Variants in CRYBG1 observed in about 807,000 individuals in gnomAD.
CRYBG1 encodes the protein crystallin beta-gamma domain containing 1, also known as beta/gamma crystallin domain-containing protein 1.
CRYBG1 carries 139 observed loss-of-function variants against 189.2 expected under a neutral mutation model. The observed-to-expected ratio is 0.73, with a 90% CI of 0.64 to 0.85. The LOEUF is 0.85. Among genes scored for constraint, CRYBG1 ranks in the 40% least tolerant of loss-of-function variants. The probability of loss-of-function intolerance (pLI) is 0.00; values close to 1 mark genes in which losing one functional copy is unlikely to be tolerated. For missense variants in CRYBG1, 2,611 were observed against 2,675.8 expected (o/e 0.98, Z 0.53); for synonymous variants, 1,023 against 1,017.1 (o/e 1.01, Z -0.11).
intron 2 of CRYBG1, among the ~76,000 whole-genome samples, chr6:106,480,449 C>T (rs1377678625): frequency 6.7e-6 from 1 of 149,852 alleles, no homozygotes; most frequent in African/African-American, 2.5e-5. Context: ...CAGATCACGA[C>T]GTCAGGAGAT....
chr6:106,423,037 T>G (rs1474062959), intron 1 of CRYBG1, among the ~76,000 whole-genome samples: 1 of 152,216 alleles, frequency 6.6e-6, no homozygotes, highest in Non-Finnish European at 1.5e-5. Flanking sequence ...TTGGAGGATA[T>G]CAGACCACCA....
At chr6:106,376,713 G>A (rs150780871) in intron 1 of CRYBG1, among the ~76,000 whole-genome samples, 2 of 152,052 alleles carry the variant, frequency 1.3e-5, no homozygotes, top group Non-Finnish European at 2.9e-5. Context: ...TCCCTTACCT[G>A]TCCACATCTT....
rs576149617 is a variant in CRYBG1 at position 106,560,483 on chromosome 6, C to A, written c.5856-320C>A. On this transcript the variant is annotated intron_variant, in intron 18 of 21. Coordinates refer to ENST00000633556, the MANE Select transcript of CRYBG1 (RefSeq NM_001371242.2). Reference sequence around the variant, plus strand: ...ACAACTTAAAGACCCATTATTACAACTGAAGCTATTTTATGAATAGTTCCC... The same window carrying A: ...ACAACTTAAAGACCCATTATTACAAATGAAGCTATTTTATGAATAGTTCCC... Among the ~76,000 whole-genome samples the A allele has an allele frequency of 2.6e-5, 4 of 152,312 alleles. No individual in the cohort carries two copies. The South Asian group carries it at 6.2e-4, about 24-fold the overall frequency.
intron 1 of CRYBG1, among the ~76,000 whole-genome samples, chr6:106,419,445 T>G (rs1222199344): frequency 2.0e-5 from 3 of 152,166 alleles, no homozygotes; most frequent in Non-Finnish European, 4.4e-5. Flanking sequence ...TGCAATGGTG[T>G]GATCACGGCT....
chr6:106,377,177 GT>G (rs34057171), intron 1 of CRYBG1, among the ~76,000 whole-genome samples: 1 of 151,890 alleles, frequency 6.6e-6, no homozygotes, highest in Non-Finnish European at 1.5e-5. Flanking sequence ...TTTCCTCCTC[GT>G]TTCTGGGCAG....
intron 13 of CRYBG1, among the ~76,000 whole-genome samples, chr6:106,546,483 T>C (rs919279937): frequency 3.3e-5 from 5 of 152,322 alleles, no homozygotes; most frequent in African/African-American, 1.2e-4. Flanking sequence ...ATTTGAAAAG[T>C]GTGTACAATG....
chr6:106,362,595 G>A (rs555072501), intron 1 of CRYBG1, among the ~76,000 whole-genome samples: 2 of 152,256 alleles, frequency 1.3e-5, no homozygotes, highest in South Asian at 2.1e-4. Context: ...CCTGAGAAGC[G>A]CAAGTGGTTG....
chr6:106,368,581 C>CTGCATTGGGCTAA (rs1292228234), intron 1 of CRYBG1, among the ~76,000 whole-genome samples: 2 of 152,148 alleles, frequency 1.3e-5, no homozygotes, highest in African/African-American at 4.8e-5. Context: ...TAAAACATAG[C>CTGCATTGGGCTAA]TGCATTGGGC....
chr6:106,569,616 C>CTAT lies in CRYBG1; in HGVS notation c.*1054_*1056dup, dbSNP rs1562125023. 6.6e-6 allele frequency: 1 copy of CTAT among 152,242 alleles called. No homozygotes were observed. Among genetic ancestry groups the CTAT allele is most frequent in the Non-Finnish European group, 1.5e-5 (1 of 68,044 alleles). The allele number at this position is 152,242 out of a possible 1,614,324, so 9.4% of individuals were successfully genotyped here. On this transcript the variant is annotated 3_prime_UTR_variant, in exon 22 of 22. Transcript: ENST00000633556. ...CTTTCTTATAGCTGCTACTGGAACA[C>CTAT]TATTATGACCTAATTTATGAGCCAT...
In CRYBG1 at chr6:106,511,685, C is replaced by A. The variant is rs1209804566; in HGVS notation, c.568C>A (p.Pro190Thr). 3 of 1,535,160 alleles carry A rather than the reference C, an allele frequency of 2.0e-6. No individual in the cohort carries two copies. The highest frequency in any genetic ancestry group is 2.6e-6 in the Non-Finnish European group (3 of 1,146,490). Residue 190 changes from proline to threonine, a missense_variant, in exon 3 of 22, where the codon CCC (proline) becomes ACC (threonine). Pro to Thr is a conservative substitution (Grantham distance 38). This residue lies in a region of CRYBG1 where 985 missense variants were observed against 924.4 expected (regional missense o/e 1.07). Coordinates refer to ENST00000633556, the MANE Select transcript of CRYBG1 (RefSeq NM_001371242.2). Reference sequence around the variant, plus strand: ...CGAGGAGGGCTCCCCGCGGGAGAATCCCCGAGAGGCAGAGGGCGAGCTCCC... The same window carrying A: ...CGAGGAGGGCTCCCCGCGGGAGAATACCCGAGAGGCAGAGGGCGAGCTCCC... ...TSEEGSPREN[P>T]REAEGELPES...
intron 13 of CRYBG1, among the ~76,000 whole-genome samples, chr6:106,550,467 CTT>C (rs1292393370): frequency 6.6e-6 from 1 of 152,046 alleles, no homozygotes; most frequent in Non-Finnish European, 1.5e-5. Flanking sequence ...CTTTCAAAGA[CTT>C]TATCTTTGCA....
At chr6:106,501,146 G>A (rs1355141208) in intron 2 of CRYBG1, among the ~76,000 whole-genome samples, 1 of 152,166 alleles carries the variant, frequency 6.6e-6, no homozygotes, top group African/African-American at 2.4e-5. Context: ...AGCAGACACA[G>A]CAATAAAGAA....
At chr6:106,527,249 A>G (rs1337166196) in intron 6 of CRYBG1, 56 bp from the exon 7 acceptor site, 1 of 1,477,934 alleles carries the variant, frequency 6.8e-7, no homozygotes, top group Non-Finnish European at 9.1e-7. Flanking sequence ...TTATTTGAGT[A>G]ATCAAAACCT....
At chr6:106,555,011 A>G (rs1467937095) in intron 16 of CRYBG1, among the ~76,000 whole-genome samples, 2 of 151,938 alleles carry the variant, frequency 1.3e-5, no homozygotes, top group Non-Finnish European at 2.9e-5. Context: ...CTAAAAATAC[A>G]AAAATTAGCC....
intron 1 of CRYBG1, among the ~76,000 whole-genome samples, chr6:106,393,132 T>C (rs927458510): frequency 6.6e-6 from 1 of 152,224 alleles, no homozygotes; most frequent in African/African-American, 2.4e-5. Context: ...TGTTTATCCA[T>C]AAGTCTTGTT....
intron 1 of CRYBG1, chr6:106,451,464 T>C (rs1270126712): frequency 5.8e-6 from 2 of 344,378 alleles, no homozygotes; most frequent in Admixed American, 4.8e-5. Context: ...GTTTTCTGCA[T>C]AGGATTTAAA....
chr6:106,483,102 G>A (rs999461776), intron 2 of CRYBG1, among the ~76,000 whole-genome samples: 14 of 151,852 alleles, frequency 9.2e-5, no homozygotes, highest in Admixed American at 8.5e-4. Context: ...CTATCTAATT[G>A]TCACTTTGTA....
intron 2 of CRYBG1, among the ~76,000 whole-genome samples, chr6:106,469,016 G>A (rs970829542): frequency 6.6e-6 from 1 of 152,134 alleles, no homozygotes; most frequent in African/African-American, 2.4e-5. Flanking sequence ...GGAAGAGAGC[G>A]TTCCATTTCT....
chr6:106,515,496 G>T (rs1773396637), intron 3 of CRYBG1, among the ~76,000 whole-genome samples: 1 of 152,106 alleles, frequency 6.6e-6, no homozygotes, highest in Non-Finnish European at 1.5e-5. Flanking sequence ...TTTGAATTGA[G>T]TACCCTTCCT....
Sources: allele counts gnomAD v4.1 joint callset (sites outside exome capture counted in the v4.1 genomes callset), GRCh38; gene constraint gnomAD v4.1.1; regional missense constraint gnomAD v4.1.1; transcripts MANE v1.5; gene names NCBI Gene and HGNC (gene_info 2026-07-23, HGNC 2026-07-21).